CASR: variants seen among roughly 807,000 people sequenced by gnomAD.
CASR encodes calcium sensing receptor, also known as extracellular calcium-sensing receptor.
A neutral mutation model predicts 69.1 loss-of-function variants in CASR; 23 were observed. The ratio of observed to expected loss-of-function variants is 0.33; its 90% confidence interval spans 0.24 to 0.47. The LOEUF (loss-of-function observed/expected upper bound fraction) is 0.47. CASR is among the 20% of genes least tolerant of loss of function. The probability of loss-of-function intolerance (pLI) is 1.00; values close to 1 mark genes in which losing one functional copy is unlikely to be tolerated. For synonymous variants in CASR, 541 were observed against 544.7 expected (o/e 0.99, Z 0.10); for missense variants, 924 against 1,356.1 (o/e 0.68, Z 5.00).
At chr3:122,220,343 A>G (rs2074158193) in intron 1 of CASR, among the ~76,000 whole-genome samples, 1 of 152,194 alleles carries the variant, frequency 6.6e-6, no homozygotes, top group South Asian at 2.1e-4. Flanking sequence ...GAATTTGGCA[A>G]TTTATCCCAA....
rs916512765 is a variant in CASR, at chr3:122,288,161, A to C, written c.*2970A>C. ...AAGGGCCCTTAAATGTGGACGAAGC[A>C]GAAGAGTCAGTGTGAGAGCAATACA... On this transcript the variant is annotated 3_prime_UTR_variant, in exon 7 of 7. Transcript: ENST00000639785. 1 of 152,270 alleles carries C rather than the reference A, an allele frequency of 6.6e-6. No homozygotes were observed. Among genetic ancestry groups the C allele is most frequent in the Non-Finnish European group, 1.5e-5 (1 of 68,074 alleles). The allele number at this position is 152,270 out of a possible 1,614,324, so 9.4% of individuals were successfully genotyped here.
At chr3:122,253,545 A>T (rs1378254372) in intron 1 of CASR, among the ~76,000 whole-genome samples, 1 of 152,198 alleles carries the variant, frequency 6.6e-6, no homozygotes, top group African/African-American at 2.4e-5. Context: ...ACCCAGCTTC[A>T]TTCTATATTT....
At chr3:122,219,255 T>TA (rs1198373344) in intron 1 of CASR, among the ~76,000 whole-genome samples, 1 of 152,076 alleles carries the variant, frequency 6.6e-6, no homozygotes, top group African/African-American at 2.4e-5. Context: ...ATTCAGGTGA[T>TA]AGAGGATGAT....
At chr3:122,211,277 A>G (rs2074062519) in intron 1 of CASR, among the ~76,000 whole-genome samples, 1 of 152,268 alleles carries the variant, frequency 6.6e-6, no homozygotes, top group African/African-American at 2.4e-5. Flanking sequence ...ACAGCAAAAG[A>G]AACTATCGTC....
Position 122,275,925 on chromosome 3 carries a change from C to T in CASR, c.1491C>T (p.Ser497=), listed in dbSNP as rs150337940. ...GNYSIINWHL[S]PEDGSIVFKE... is the part of the protein sequence containing the mutation. ...ATTCCATCATCAACTGGCACCTCTC[C>T]CCAGAGGATGGCTCCATCGTGTTTA... Residue 497 remains serine (S), a synonymous_variant, in exon 5 of 7, where the codon TCC becomes TCT. Transcript: ENST00000639785. The T allele has an allele frequency of 5.9e-5, 96 of 1,613,948 alleles. 1 individual carries two copies. The African/African-American group carries it at 1.2e-3, about 20-fold the overall frequency.
In CASR at chr3:122,254,045, A is replaced by C. The variant is rs141219519; in HGVS notation, c.-145A>C. Reference sequence around the variant, plus strand: ...TTGAGGAAGGCAGAAATGGAGATTCAAACACCACGTCTTCTATTATTTTAT... The same window carrying C: ...TTGAGGAAGGCAGAAATGGAGATTCCAACACCACGTCTTCTATTATTTTAT... On this transcript the variant is annotated 5_prime_UTR_variant, in exon 2 of 7. Transcript: ENST00000639785. 17 of 831,046 alleles carry C rather than the reference A, an allele frequency of 2.0e-5. No individual in the cohort carries two copies. The East Asian group carries it at 3.7e-4, about 18-fold the overall frequency. The allele number at this position is 831,046 out of a possible 1,614,324, so 51.5% of individuals were successfully genotyped here. A position where few individuals can be genotyped will look rare whatever the true frequency, so the allele number is the denominator to read the frequency against.
At chr3:122,252,449 A>AAAGAAAG (rs1559954421) in intron 1 of CASR, among the ~76,000 whole-genome samples, 595 of 54,404 alleles carry the variant, frequency 0.011, 28 homozygotes, top group East Asian at 0.029. Flanking sequence ...AAGAAAGAAA[A>AAAGAAAG]AAAAGAAAAG....
chr3:122,253,377 G>A (rs1031807429), intron 1 of CASR, among the ~76,000 whole-genome samples: 2 of 152,188 alleles, frequency 1.3e-5, no homozygotes, highest in Admixed American at 6.5e-5. Flanking sequence ...AAGTAGCTGG[G>A]ATTACAGGCG....
At position 122,284,321 on chromosome 3, in the gene CASR, C is replaced by G; in HGVS notation, c.2367C>G (p.Phe789Leu). The G allele has an allele frequency of 6.2e-7, 1 of 1,614,168 alleles. No homozygotes were observed. The highest frequency in any genetic ancestry group is 8.5e-7 in the Non-Finnish European group (1 of 1,180,050). ...GCCTGCTGGCTGCCATCTGCTTCTT[C>G]TTTGCCTTCAAGTCCCGGAAGCTGC... The part of the protein sequence containing the change: ...YTCLLAAICF[F>L]FAFKSRKLPE... The change falls in exon 7 of 7, where the codon TTC (phenylalanine) becomes TTG (leucine). Residue 789 changes from phenylalanine to leucine, a missense_variant. Around this residue, in one of 8 missense-constraint regions of CASR, gnomAD observed 184 missense variants for 278.8 expected, o/e 0.66. Coordinates refer to ENST00000639785, the MANE Select transcript of CASR (RefSeq NM_000388.4).
At chr3:122,254,820 G>A (rs551921628) in intron 2 of CASR, among the ~76,000 whole-genome samples, 42 of 151,428 alleles carry the variant, frequency 2.8e-4, no homozygotes, top group African/African-American at 9.5e-4. Context: ...TTTTTTTTAA[G>A]GCATTTAAGT....
In CASR at chr3:122,283,966, A is replaced by T. The variant is rs199957040; in HGVS notation, c.2012A>T (p.Glu671Val). Reference protein sequence around the residue: ...CFSSSLFFIGEPQDWTCRLRQ... With the variant: ...CFSSSLFFIGVPQDWTCRLRQ... ...TCCAGCTCCCTGTTCTTCATCGGGGAGCCCCAGGACTGGACGTGCCGCCTG... is the reference window on the plus strand; with the variant it reads ...TCCAGCTCCCTGTTCTTCATCGGGGTGCCCCAGGACTGGACGTGCCGCCTG... Residue 671 changes from glutamate to valine, a missense_variant, in exon 7 of 7, where the codon GAG becomes GTG. By Grantham distance (121) the Glu-to-Val change is moderately radical. Coordinates refer to ENST00000639785, the MANE Select transcript of CASR (RefSeq NM_000388.4). The T allele has an allele frequency of 1.1e-5, 17 of 1,612,780 alleles. No individual in the cohort carries two copies. Among genetic ancestry groups the T allele is most frequent in the Non-Finnish European group, 1.4e-5 (17 of 1,179,746 alleles).
intron 1 of CASR, among the ~76,000 whole-genome samples, chr3:122,187,245 T>C (rs2073794701): frequency 6.6e-6 from 1 of 152,216 alleles, no homozygotes; most frequent in Admixed American, 6.5e-5. Flanking sequence ...CCCTAGCCAC[T>C]GCTCTAATTG....
chr3:122,281,967 C>G, intron 5 of CASR, 146 bp from the exon 6 acceptor site: 1 of 1,092,000 alleles, frequency 9.2e-7, no homozygotes, highest in East Asian at 2.4e-5. Context: ...GACCTCTGGA[C>G]CTCCCTTTGC....
chr3:122,246,939 G>A (rs1293758019), intron 1 of CASR: 1 of 152,242 alleles, frequency 6.6e-6, no homozygotes, highest in Non-Finnish European at 1.5e-5. Context: ...TGACTTCAAA[G>A]TTACATCAGC....
At chr3:122,242,115 C>G (rs545996065) in intron 1 of CASR, among the ~76,000 whole-genome samples, 1 of 152,204 alleles carries the variant, frequency 6.6e-6, no homozygotes, top group South Asian at 2.1e-4. Flanking sequence ...CCTCTAAGAT[C>G]TGGAAGAGGA....
Position 122,261,719 on chromosome 3 carries a change from G to T in CASR, c.684G>T (p.Glu228Asp). Residue 228 changes from glutamate (E) to aspartate (D), a missense_variant, in exon 4 of 7, where the codon GAG becomes GAT. Physicochemically the swap from Glu to Asp is conservative, Grantham distance 45. Around this residue, in one of 8 missense-constraint regions of CASR, gnomAD observed 141 missense variants for 283.0 expected, o/e 0.50. Transcript: ENST00000639785. ...GGCCGGGGATTGAGAAATTCCGAGA[G>T]GAAGCTGAGGAAAGGGATATCTGCA... ...YGRPGIEKFR[E>D]EAEERDICID... 6.2e-7 allele frequency: 1 copy of T among 1,614,218 alleles called. No homozygotes were observed. Among genetic ancestry groups the T allele is most frequent in the South Asian group, 1.1e-5 (1 of 91,080 alleles).
At chr3:122,237,389 G>A (rs1245423898) in intron 1 of CASR, among the ~76,000 whole-genome samples, 2 of 152,156 alleles carry the variant, frequency 1.3e-5, no homozygotes, top group Non-Finnish European at 2.9e-5. Context: ...ATAGGCATGA[G>A]CCACCACACC....
chr3:122,235,277 C>G (rs2074318399), intron 1 of CASR, among the ~76,000 whole-genome samples: 1 of 152,156 alleles, frequency 6.6e-6, no homozygotes, highest in African/African-American at 2.4e-5. Context: ...AAATGATAAC[C>G]ACATAGGTAA....
intron 4 of CASR, among the ~76,000 whole-genome samples, chr3:122,265,924 G>A (rs1275273765): frequency 6.6e-6 from 1 of 152,160 alleles, no homozygotes; most frequent in Non-Finnish European, 1.5e-5. Flanking sequence ...GGGATAAATT[G>A]TGAGGACAGC....
Sources: allele counts gnomAD v4.1 joint callset (sites outside exome capture counted in the v4.1 genomes callset), GRCh38; gene constraint gnomAD v4.1.1; regional missense constraint gnomAD v4.1.1; transcripts MANE v1.5; gene names NCBI Gene and HGNC (gene_info 2026-07-23, HGNC 2026-07-21).